The following MTUS2 variants were observed in gnomAD, a reference collection of about 807,000 sequenced individuals.
The protein encoded by MTUS2 is microtubule-associated tumor suppressor candidate 2.
MTUS2 carries 40 observed loss-of-function variants against 114.1 expected under a neutral mutation model. That is an observed-to-expected ratio of 0.35 (90% CI 0.27 to 0.46). The LOEUF is 0.46. Ranked by LOEUF, MTUS2 falls within the 20% of genes least tolerant of loss-of-function variation. MTUS2 has a pLI of 1.00. For synonymous variants in MTUS2, 688 were observed against 672.0 expected (o/e 1.02, Z -0.37); for missense variants, 1,679 against 1,705.4 (o/e 0.98, Z 0.27).
intron 8 of MTUS2, among the ~76,000 whole-genome samples, chr13:29,433,162 A>G (rs4644717): frequency 0.99 from 150,576 of 152,304 alleles, 74,454 homozygotes; most frequent in East Asian, 1. Context: ...TCCAGGTATG[A>G]TGTGATATTC....
rs551719125 is a variant in MTUS2 at position 29,505,364 on chromosome 13, TCCTCATTAGGTGGACTTCGGTGAG to T, written c.*2159_*2182del. 499 of 232,026 alleles carry T rather than the reference TCCTCATTAGGTGGACTTCGGTGAG, an allele frequency of 2.2e-3. 2 individuals are homozygous for T. Among genetic ancestry groups the T allele is most frequent in the Middle Eastern group, 0.012 (9 of 774 alleles). The allele number at this position is 232,026 out of a possible 1,614,324, so 14.4% of individuals were successfully genotyped here. On this transcript the variant is annotated 3_prime_UTR_variant, in exon 16 of 16. Transcript: ENST00000612955. ...TGTAGCATCGTTAGCACTAAGTAAT[TCCTCATTAGGTGGACTTCGGTGAG>T]AGCTTTGCCCTAACCTGCCCTGACC...
intron 2 of MTUS2, among the ~76,000 whole-genome samples, chr13:28,958,893 T>A (rs1883191815): frequency 6.6e-6 from 1 of 152,208 alleles, no homozygotes; most frequent in Non-Finnish European, 1.5e-5. Flanking sequence ...ATGTGTATAT[T>A]TAATATTTAA....
intron 8 of MTUS2, among the ~76,000 whole-genome samples, chr13:29,436,655 G>C (rs747122187): frequency 3.0e-4 from 45 of 152,220 alleles, no homozygotes; most frequent in Non-Finnish European, 6.2e-4. Flanking sequence ...GCCTGAACTT[G>C]CAAAAGGGTG....
chr13:28,870,622 A>G (rs1192520528), intron 2 of MTUS2, among the ~76,000 whole-genome samples: 1 of 152,178 alleles, frequency 6.6e-6, no homozygotes, highest in Non-Finnish European at 1.5e-5. Context: ...GGTAGTTAGA[A>G]AAGAGTTTGT....
intron 1 of MTUS2, among the ~76,000 whole-genome samples, chr13:28,821,458 C>A (rs974930535): frequency 1.3e-5 from 2 of 152,262 alleles, no homozygotes; most frequent in Non-Finnish European, 2.9e-5. Flanking sequence ...CTGATGGAAA[C>A]TTAGTAATTG....
At chr13:28,921,558 C>G (rs188531007) in intron 2 of MTUS2, among the ~76,000 whole-genome samples, 6 of 152,204 alleles carry the variant, frequency 3.9e-5, no homozygotes, top group Non-Finnish European at 7.4e-5. Flanking sequence ...CATGTGCCAC[C>G]CTAGTCTACT....
intron 2 of MTUS2, among the ~76,000 whole-genome samples, chr13:28,982,011 G>A (rs1884381882): frequency 6.6e-6 from 1 of 152,182 alleles, no homozygotes; most frequent in Admixed American, 6.5e-5. Context: ...GTGGCATAGG[G>A]AAAGGATTCT....
At chr13:28,995,314 A>G (rs1196519296) in intron 2 of MTUS2, among the ~76,000 whole-genome samples, 2 of 152,192 alleles carry the variant, frequency 1.3e-5, no homozygotes, top group Non-Finnish European at 2.9e-5. Context: ...CTTGTAGTAT[A>G]GTTTGAAGTC....
chr13:29,444,889 G>A (rs951763875), intron 9 of MTUS2, among the ~76,000 whole-genome samples: 4 of 152,196 alleles, frequency 2.6e-5, no homozygotes, highest in Admixed American at 1.3e-4. Context: ...CTTCACTCCC[G>A]CCTCCTTCCT....
At chr13:29,265,755 A>C (rs1377776022) in intron 5 of MTUS2, among the ~76,000 whole-genome samples, 1 of 152,170 alleles carries the variant, frequency 6.6e-6, no homozygotes, top group African/African-American at 2.4e-5. Context: ...AACTTTTACA[A>C]AACCAGGTTT....
chr13:29,238,787 A>T (rs1593206372), intron 5 of MTUS2, among the ~76,000 whole-genome samples: 4 of 152,278 alleles, frequency 2.6e-5, no homozygotes, highest in African/African-American at 2.4e-5. Flanking sequence ...TCAAGTTGAC[A>T]CTCAGTATTA....
chr13:29,390,756 GTGATGATGATGATGATGATGATGATGA>G (rs71090251), intron 8 of MTUS2, among the ~76,000 whole-genome samples: 5 of 146,588 alleles, frequency 3.4e-5, no homozygotes, highest in Non-Finnish European at 6.0e-5. Flanking sequence ...CCACCAAATG[GTGATGATGATGATGATGATGATGATGA>G]TGATGATGAT....
chr13:28,864,624 C>T (rs532905970), intron 2 of MTUS2, among the ~76,000 whole-genome samples: 4 of 152,160 alleles, frequency 2.6e-5, no homozygotes, highest in Non-Finnish European at 5.9e-5. Flanking sequence ...AGGTGTGGGC[C>T]TGAGACTGTG....
chr13:29,398,792 A>G (rs888683095), intron 8 of MTUS2, among the ~76,000 whole-genome samples: 3 of 152,198 alleles, frequency 2.0e-5, no homozygotes, highest in Admixed American at 6.5e-5. Context: ...AAACAGCCCA[A>G]CATTAGGGTC....
At chr13:29,065,783 C>G (rs1366757549) in intron 4 of MTUS2, among the ~76,000 whole-genome samples, 3 of 152,184 alleles carry the variant, frequency 2.0e-5, no homozygotes, top group Non-Finnish European at 4.4e-5. Flanking sequence ...CTATACCTCT[C>G]TTAGCCTCAC....
chr13:29,420,453 T>A (rs1176803105), intron 8 of MTUS2, among the ~76,000 whole-genome samples: 2 of 152,112 alleles, frequency 1.3e-5, no homozygotes, highest in Non-Finnish European at 2.9e-5. Context: ...AATTTTTGTA[T>A]TTTTAGTAGA....
At chr13:29,324,505 T>G (rs1900396818) in intron 6 of MTUS2, 108 bp from the exon 7 acceptor site, 3 of 721,876 alleles carry the variant, frequency 4.2e-6, no homozygotes, top group Non-Finnish European at 7.0e-6. Context: ...ATATTTCTTT[T>G]GTTGATATGT....
At chr13:29,414,823 C>G (rs912932169) in intron 8 of MTUS2, among the ~76,000 whole-genome samples, 4 of 151,834 alleles carry the variant, frequency 2.6e-5, no homozygotes, top group African/African-American at 9.7e-5. Flanking sequence ...TTATTTCCTT[C>G]TAATTGCTTC....
intron 5 of MTUS2, among the ~76,000 whole-genome samples, chr13:29,109,786 G>A (rs1298778314): frequency 6.6e-6 from 1 of 152,300 alleles, no homozygotes; most frequent in East Asian, 1.9e-4. Flanking sequence ...CAGAAACTCA[G>A]TTAAAAGATG....
Sources: gnomAD v4.1 joint callset for allele counts (sites outside exome capture counted in the v4.1 genomes callset) on GRCh38, gnomAD v4.1.1 for gene constraint, MANE v1.5 for transcripts, NCBI Gene and HGNC (gene_info 2026-07-23, HGNC 2026-07-21) for gene names.